TAF1B: variants seen among roughly 807,000 people sequenced by gnomAD.
TAF1B encodes the protein TATA box-binding protein-associated factor RNA polymerase I subunit B.
Under a neutral mutation model 83.9 loss-of-function variants are expected in TAF1B, and 61 were observed. The observed-to-expected ratio is 0.73, with a 90% CI of 0.59 to 0.90. The LOEUF is 0.90. TAF1B is among the 40% of genes least tolerant of loss of function. The pLI, the probability that TAF1B is intolerant of heterozygous loss-of-function variation, is 0.00. For synonymous variants in TAF1B, 221 were observed against 224.6 expected (o/e 0.98, Z 0.14); for missense variants, 625 against 677.0 (o/e 0.92, Z 0.85).
intron 8 of TAF1B, among the ~76,000 whole-genome samples, chr2:9,898,175 C>A (rs1665074546): frequency 6.6e-6 from 1 of 152,162 alleles, no homozygotes; most frequent in African/African-American, 2.4e-5. Context: ...TTTCATTAAT[C>A]TCTAGAGGCT....
chr2:9,850,027 ATGTGTGTGTGTGTG>A (rs3032347), intron 3 of TAF1B, among the ~76,000 whole-genome samples: 7 of 123,498 alleles, frequency 5.7e-5, no homozygotes, highest in Non-Finnish European at 9.9e-5. Context: ...ATATATATAT[ATGTGTGTGTGTGTG>A]TGTGTGTGTG....
chr2:9,933,694 T>G, intron 14 of TAF1B, 89 bp from the exon 15 acceptor site: 2 of 1,081,668 alleles, frequency 1.8e-6, no homozygotes, highest in Non-Finnish European at 2.7e-6. Flanking sequence ...ATATATTTGC[T>G]AAGTTATTTG....
chr2:9,911,863 T>C (rs568870656), intron 11 of TAF1B, among the ~76,000 whole-genome samples: 30 of 152,358 alleles, frequency 2.0e-4, no homozygotes, highest in Admixed American at 2.0e-3. Context: ...TCGATTCTGA[T>C]GCTTTCAGCC....
intron 5 of TAF1B, among the ~76,000 whole-genome samples, chr2:9,855,324 A>T (rs1232275920): frequency 6.6e-6 from 1 of 152,160 alleles, no homozygotes; most frequent in Non-Finnish European, 1.5e-5. Flanking sequence ...TGTGGTACAG[A>T]TGCCCCTTGC....
rs1177353436 is a variant in TAF1B, at chr2:9,864,047, CAA to C, written c.400-4228_400-4227del. On this transcript the variant is annotated intron_variant, in intron 5 of 14. Transcript: ENST00000263663. ...ATCACAATTAAAAGAACTAGAGAAA[CAA>C]GAGCAAACACATTCAAAAGCTAGCA... Among the ~76,000 whole-genome samples, 7 of 152,158 alleles carry C rather than the reference CAA, an allele frequency of 4.6e-5. No individual in the cohort carries two copies. In the South Asian group the frequency reaches 1.0e-3, roughly 23 times the overall value.
intron 8 of TAF1B, among the ~76,000 whole-genome samples, chr2:9,899,171 T>A (rs1665107928): frequency 6.6e-6 from 1 of 152,188 alleles, no homozygotes; most frequent in Non-Finnish European, 1.5e-5. Context: ...CATTCCCCAC[T>A]TGTTCCAGCC....
intron 8 of TAF1B, among the ~76,000 whole-genome samples, chr2:9,890,824 G>A (rs1664848215): frequency 6.6e-6 from 1 of 152,092 alleles, no homozygotes; most frequent in South Asian, 2.1e-4. Context: ...AGGCTGGAGT[G>A]CAATTGCACA....
chr2:9,856,371 A>G (rs1385027419), intron 5 of TAF1B, among the ~76,000 whole-genome samples: 1 of 152,142 alleles, frequency 6.6e-6, no homozygotes, highest in Non-Finnish European at 1.5e-5. Context: ...ATATGAGATA[A>G]TGAATTTAAA....
chr2:9,872,509 G>T (rs1401681538), intron 6 of TAF1B, among the ~76,000 whole-genome samples: 1 of 152,082 alleles, frequency 6.6e-6, no homozygotes, highest in African/African-American at 2.4e-5. Context: ...TGCTGACTTT[G>T]AATCTAGCTT....
intron 8 of TAF1B, among the ~76,000 whole-genome samples, chr2:9,896,799 G>A (rs138214967): frequency 6.6e-6 from 1 of 152,010 alleles, no homozygotes; most frequent in Non-Finnish European, 1.5e-5. Flanking sequence ...TGTTGATGTG[G>A]TTTTTCTTTT....
At chr2:9,874,275 C>A (rs1294881446) in intron 6 of TAF1B, among the ~76,000 whole-genome samples, 1 of 152,114 alleles carries the variant, frequency 6.6e-6, no homozygotes, top group Non-Finnish European at 1.5e-5. Context: ...TTCCCAACAT[C>A]CTTAAGACTT....
At chr2:9,849,615 G>T (rs1301401208) in intron 3 of TAF1B, among the ~76,000 whole-genome samples, 155 bp downstream of exon 3, 3 of 152,138 alleles carry the variant, frequency 2.0e-5, no homozygotes, top group African/African-American at 7.2e-5. Flanking sequence ...TGTATTCATT[G>T]TGGGTGAATA....
At chr2:9,887,534 A>AAT (rs1664717236) in intron 8 of TAF1B, among the ~76,000 whole-genome samples, 1 of 87,510 alleles carries the variant, frequency 1.1e-5, no homozygotes, top group South Asian at 6.3e-4. Context: ...GTCTGATACT[A>AAT]ATATAGCCAC....
chr2:9,933,882 C>T lies in TAF1B; in HGVS notation c.1665C>T (p.Ser555=), dbSNP rs760928886. 1.2e-6 allele frequency: 2 copies of T among 1,613,372 alleles called. No homozygotes were observed. Among genetic ancestry groups the T allele is most frequent in the Non-Finnish European group, 8.5e-7 (1 of 1,179,442 alleles). ...LFSFLLRIKT[S]LLHEEVSLVE... ...CCTTCCTGCTCAGAATAAAGACTTC[C>T]CTTCTCCATGAAGAAGTGAGCTTAG... The change falls in exon 15 of 15, where the codon TCC becomes TCT. Residue 555 remains serine, a synonymous_variant. Coordinates refer to ENST00000263663, the MANE Select transcript of TAF1B (RefSeq NM_005680.3).
chr2:9,914,476 C>T lies in TAF1B; in HGVS notation c.1271+1227C>T, dbSNP rs561563050. On this transcript the variant is annotated intron_variant, in intron 12 of 14. Transcript: ENST00000263663. The surrounding 1 kb of genome is among the most constrained non-coding windows in gnomAD (Gnocchi z 4.3). ...TGGTGCTAGCTGGGGTTAGTCCTGA[C>T]GGATCCTAAGGACTGGGTGCCTAGG... Among the ~76,000 whole-genome samples the T allele has an allele frequency of 1.9e-3, 282 of 152,134 alleles. No individual in the cohort carries two copies. Among genetic ancestry groups the T allele is most frequent in the Admixed American group, 3.7e-3 (57 of 15,278 alleles).
chr2:9,918,980 A>G, intron 12 of TAF1B, 61 bp from the exon 13 acceptor site: 1 of 1,379,774 alleles, frequency 7.2e-7, no homozygotes, highest in Non-Finnish European at 1.0e-6. Context: ...AGTGCTTCAG[A>G]CAATGTGTTT....
Position 9,925,988 on chromosome 2 carries a change from G to C in TAF1B, c.1565+6168G>C, listed in dbSNP as rs146017838. ...GCTTCTATATGTTATTTCTTTACTT[G>C]CTTTTTAAAGTTGATAATGGGAAAT... is the stretch of plus-strand genomic sequence containing the variant. On this transcript the variant is annotated intron_variant, in intron 14 of 14. Transcript: ENST00000263663. 1.1e-3 allele frequency among the ~76,000 whole-genome samples: 166 copies of C among 152,064 alleles called. 1 individual carries two copies. Among genetic ancestry groups the C allele is most frequent in the African/African-American group, 3.8e-3 (157 of 41,470 alleles).
chr2:9,913,481 A>G (rs1132838), intron 12 of TAF1B: 84,701 of 404,350 alleles, frequency 0.21, 10,308 homozygotes, highest in East Asian at 0.34. Flanking sequence ...TTTCTGTTCC[A>G]TGATCCAATG....
At chr2:9,892,508 A>G (rs936570118) in intron 8 of TAF1B, among the ~76,000 whole-genome samples, 7 of 152,152 alleles carry the variant, frequency 4.6e-5, no homozygotes, top group Admixed American at 4.6e-4. Flanking sequence ...CCAGCCTTAG[A>G]TTCTTCATAT....
Sources: gnomAD v4.1 joint callset for allele counts (sites outside exome capture counted in the v4.1 genomes callset) on GRCh38, gnomAD v4.1.1 for gene constraint, Gnocchi (gnomAD v3.1) non-coding constraint, MANE v1.5 for transcripts, NCBI Gene and HGNC (gene_info 2026-07-23, HGNC 2026-07-21) for gene names.